Variants in TTC23L observed in about 807,000 individuals in gnomAD.
TTC23L encodes tetratricopeptide repeat protein 23-like.
Under a neutral mutation model 48.1 loss-of-function variants are expected in TTC23L, and 42 were observed. The ratio of observed to expected loss-of-function variants is 0.87; its 90% CI spans 0.68 to 1.13. TTC23L has a LOEUF of 1.13. Ranked by LOEUF, TTC23L falls within the 50% of genes most tolerant of loss-of-function variation. TTC23L has a pLI of 0.00. For missense variants in TTC23L, 391 were observed against 421.0 expected, an observed-to-expected ratio of 0.93 and a Z score of 0.62; for synonymous variants, 159 against 157.2, an observed-to-expected ratio of 1.01 and a Z score of -0.09.
At chr5:34,844,991 T>C (rs1226247521) in intron 2 of TTC23L, among the ~76,000 whole-genome samples, 1 of 152,238 alleles carries the variant, frequency 6.6e-6, no homozygotes, top group Non-Finnish European at 1.5e-5. Context: ...GTATCCATTT[T>C]CTTTCCTTGC....
chr5:34,849,165 A>G (rs1405505919), intron 3 of TTC23L, among the ~76,000 whole-genome samples: 1 of 152,218 alleles, frequency 6.6e-6, no homozygotes, highest in Non-Finnish European at 1.5e-5. Flanking sequence ...TAATGTATGA[A>G]GAAGGAATGA....
At chr5:34,844,226 C>T (rs560798868) in intron 2 of TTC23L, among the ~76,000 whole-genome samples, 2 of 152,280 alleles carry the variant, frequency 1.3e-5, no homozygotes, top group South Asian at 4.1e-4. Context: ...AAAGCACACT[C>T]GTCTGTGGGC....
the TTC23L span, chr5:34,922,713 T>C: frequency 6.2e-7 from 1 of 1,614,032 alleles, no homozygotes; most frequent in Non-Finnish European, 8.5e-7. Flanking sequence ...CTCGCTGAAC[T>C]GAAGATGACT....
intron 9 of TTC23L, among the ~76,000 whole-genome samples, chr5:34,881,450 A>G (rs1580473852): frequency 6.6e-6 from 1 of 152,254 alleles, no homozygotes; most frequent in Non-Finnish European, 1.5e-5. Context: ...TTTGTCTGTC[A>G]TAAGATCCCA....
At chr5:34,879,976 CAG>C (rs1294954621) in intron 8 of TTC23L, among the ~76,000 whole-genome samples, 2 of 152,038 alleles carry the variant, frequency 1.3e-5, no homozygotes, top group Non-Finnish European at 2.9e-5. Flanking sequence ...AGCCTGGCAA[CAG>C]AGTGATACTC....
intron 2 of TTC23L, among the ~76,000 whole-genome samples, chr5:34,845,246 C>T (rs1333149563): frequency 2.0e-5 from 3 of 152,174 alleles, no homozygotes; most frequent in African/African-American, 4.8e-5. Context: ...TGGTTAGGGT[C>T]ATGTGATTAG....
chr5:34,858,174 A>G lies in TTC23L; in HGVS notation c.380-4724A>G, dbSNP rs1265275505. 2.0e-5 allele frequency among the ~76,000 whole-genome samples: 3 copies of G among 152,188 alleles called. No individual in the cohort carries two copies. In the East Asian group the frequency reaches 5.8e-4, roughly 29 times the overall value. On this transcript the variant is annotated intron_variant, in intron 4 of 10. Transcript: ENST00000505624. ...GCTGCCCCTCTGCCTTGTACCTTGA[A>G]AACTGCTGCACTGTCAGTGCAGGTA...
At chr5:34,864,452 T>C in exon 6 of TTC23L, 2 of 1,613,782 alleles carry the variant, frequency 1.2e-6, no homozygotes, top group Non-Finnish European at 8.5e-7. Context: ...GAGAAGCCTA[T>C]TTCAACCTGC....
chr5:34,840,680 C>G (rs779403788), exon 2 of TTC23L: 2 of 1,613,912 alleles, frequency 1.2e-6, no homozygotes, highest in East Asian at 4.5e-5. Flanking sequence ...AGATGCAAGC[C>G]AGCCCCATCC....
the TTC23L span, chr5:34,920,799 TTATTC>T: frequency 3.9e-5 from 6 of 152,164 alleles, no homozygotes; most frequent in Admixed American, 6.5e-5. Context: ...ATTTTTGTGT[TTATTC>T]TAAGACCAGT....
the TTC23L span, chr5:34,913,625 C>T: frequency 4.9e-5 from 57 of 1,160,772 alleles, no homozygotes; most frequent in Admixed American, 1.2e-3. Context: ...AGAATAAAAA[C>T]TAATAATATA....
chr5:34,924,223 C>T, the TTC23L span, among the ~76,000 whole-genome samples: 1 of 152,162 alleles, frequency 6.6e-6, no homozygotes, highest in Non-Finnish European at 1.5e-5. Context: ...TGGAAGAGAA[C>T]AGCAAGAACA....
At chr5:34,886,363 TAAA>T (rs3032938) in intron 9 of TTC23L, among the ~76,000 whole-genome samples, 27 of 123,348 alleles carry the variant, frequency 2.2e-4, no homozygotes, top group Non-Finnish European at 2.7e-4. Flanking sequence ...CAGGCTGATT[TAAA>T]AAAAAAAAAA....
At chr5:34,880,028 C>A (rs1016463291) in intron 8 of TTC23L, among the ~76,000 whole-genome samples, 153 bp from the exon 9 acceptor site, 2 of 151,970 alleles carry the variant, frequency 1.3e-5, no homozygotes, top group African/African-American at 2.4e-5. Context: ...AGCAAAAAAA[C>A]CACACATCTT....
intron 4 of TTC23L, 107 bp downstream of exon 4, chr5:34,850,415 C>G: frequency 7.4e-7 from 1 of 1,356,354 alleles, no homozygotes; most frequent in Non-Finnish European, 1.0e-6. Flanking sequence ...CTTCTTGCCC[C>G]TAGCTCACAC....
At chr5:34,849,899 G>A (rs1194124820) in intron 3 of TTC23L, among the ~76,000 whole-genome samples, 1 of 152,180 alleles carries the variant, frequency 6.6e-6, no homozygotes, top group Non-Finnish European at 1.5e-5. Context: ...AGTAGACTGT[G>A]AGGGCCAGAG....
At chr5:34,877,658 A>G (rs989376037) in intron 8 of TTC23L, among the ~76,000 whole-genome samples, 6 of 152,070 alleles carry the variant, frequency 3.9e-5, no homozygotes, top group Admixed American at 2.0e-4. Context: ...TCCTGACTTC[A>G]GGTGATCCAC....
chr5:34,856,268 T>C (rs1258351721), intron 4 of TTC23L, among the ~76,000 whole-genome samples: 1 of 152,218 alleles, frequency 6.6e-6, no homozygotes, highest in Non-Finnish European at 1.5e-5. Flanking sequence ...CTAAAACTTT[T>C]TGAATGCTGA....
At chr5:34,901,238 TC>T (rs1345586898), downstream of TTC23L, among the ~76,000 whole-genome samples, 3 of 152,136 alleles carry the variant, frequency 2.0e-5, no homozygotes, top group Non-Finnish European at 4.4e-5. Flanking sequence ...AAAAAAAACT[TC>T]CAATGTATTT....
Sources: gnomAD v4.1 joint callset for allele counts (sites outside exome capture counted in the v4.1 genomes callset) on GRCh38, gnomAD v4.1.1 for gene constraint, MANE v1.5 for transcripts, NCBI Gene and HGNC (gene_info 2026-07-23, HGNC 2026-07-21) for gene names.